ST3GAL3: variants seen among roughly 807,000 people sequenced by gnomAD.
ST3GAL3 encodes ST3 beta-galactoside alpha-2,3-sialyltransferase 3.
ST3GAL3 carries 21 observed loss-of-function variants against 50.1 expected under a neutral mutation model. That is an observed-to-expected ratio of 0.42 (90% confidence interval 0.30 to 0.60). ST3GAL3 has a LOEUF of 0.60. Ranked by LOEUF, ST3GAL3 falls within the 20% of genes least tolerant of loss-of-function variation. The pLI, the probability that ST3GAL3 is intolerant of heterozygous loss-of-function variation, is 0.19. For synonymous variants in ST3GAL3, 183 were observed against 190.0 expected, an observed-to-expected ratio of 0.96 and a Z score of 0.30; for missense variants, 353 against 489.4, an observed-to-expected ratio of 0.72 and a Z score of 2.63.
intron 5 of ST3GAL3, among the ~76,000 whole-genome samples, chr1:43,872,968 G>A (rs1300404810): frequency 6.6e-6 from 1 of 152,154 alleles, no homozygotes; most frequent in Non-Finnish European, 1.5e-5. Flanking sequence ...CTCTGAGGTG[G>A]GATCCAAATG....
intron 4 of ST3GAL3, chr1:43,824,778 T>C (rs1363885565): frequency 2.4e-5 from 38 of 1,582,720 alleles, no homozygotes; most frequent in Non-Finnish European, 3.0e-5. Flanking sequence ...GACTGCATAT[T>C]GGAATCACCT....
intron 2 of ST3GAL3, among the ~76,000 whole-genome samples, chr1:43,776,668 T>G (rs1034260825): frequency 3.9e-5 from 6 of 152,198 alleles, no homozygotes; most frequent in Non-Finnish European, 5.9e-5. Flanking sequence ...CCAAAGCTGC[T>G]ACATCATTTT....
At chr1:43,726,217 A>G (rs1672851461) in intron 1 of ST3GAL3, among the ~76,000 whole-genome samples, 1 of 152,188 alleles carries the variant, frequency 6.6e-6, no homozygotes, top group African/African-American at 2.4e-5. Flanking sequence ...TCTCAACTTC[A>G]AAGTTACTCT....
intron 5 of ST3GAL3, among the ~76,000 whole-genome samples, chr1:43,870,125 T>C (rs2072308180): frequency 6.6e-6 from 1 of 152,238 alleles, no homozygotes; most frequent in South Asian, 2.1e-4. Flanking sequence ...CTTCTCTCTT[T>C]GGACAAGTCA....
intron 3 of ST3GAL3, among the ~76,000 whole-genome samples, chr1:43,805,429 G>A (rs2059760057): frequency 6.6e-6 from 1 of 152,252 alleles, no homozygotes; most frequent in South Asian, 2.1e-4. Context: ...TAAAAGGACA[G>A]AAACAACAGA....
intron 9 of ST3GAL3, chr1:43,916,978 G>GT (rs1456036096): frequency 2.0e-5 from 3 of 151,970 alleles, no homozygotes; most frequent in Non-Finnish European, 2.9e-5. Flanking sequence ...ATTTTTTTCT[G>GT]TTTTTTCACT....
intron 5 of ST3GAL3, among the ~76,000 whole-genome samples, chr1:43,852,270 G>A (rs1371120417): frequency 6.6e-6 from 1 of 152,218 alleles, no homozygotes; most frequent in African/African-American, 2.4e-5. Context: ...GGGGATGGCA[G>A]TAGGTCCAAA....
chr1:43,898,013 C>G (rs1192796259), intron 6 of ST3GAL3, among the ~76,000 whole-genome samples: 1 of 152,164 alleles, frequency 6.6e-6, no homozygotes, highest in African/African-American at 2.4e-5. Flanking sequence ...GTGTTAGGGA[C>G]GGGCTCCCGG....
chr1:43,799,149 A>G (rs890580663), intron 3 of ST3GAL3, among the ~76,000 whole-genome samples: 1 of 152,236 alleles, frequency 6.6e-6, no homozygotes, highest in Non-Finnish European at 1.5e-5. Flanking sequence ...GATTTCTGGG[A>G]AAATAGTCAC....
chr1:43,749,582 CAAAA>C (rs886091249), intron 2 of ST3GAL3, among the ~76,000 whole-genome samples: 1 of 151,910 alleles, frequency 6.6e-6, no homozygotes, highest in Non-Finnish European at 1.5e-5. Flanking sequence ...AACAAACAAA[CAAAA>C]AAATGAACAA....
intron 1 of ST3GAL3, among the ~76,000 whole-genome samples, chr1:43,711,539 C>T (rs567701163): frequency 1.2e-4 from 18 of 152,326 alleles, no homozygotes; most frequent in Non-Finnish European, 1.9e-4. Context: ...TATCACAGCC[C>T]ATTGAAGATT....
At chr1:43,881,482 G>T (rs1282434207) in intron 5 of ST3GAL3, among the ~76,000 whole-genome samples, 1 of 152,254 alleles carries the variant, frequency 6.6e-6, no homozygotes, top group Non-Finnish European at 1.5e-5. Flanking sequence ...TCTTCCTGAG[G>T]CAGGGGCGCC....
chr1:43,785,724 G>A (rs1017001427), intron 2 of ST3GAL3, among the ~76,000 whole-genome samples: 3 of 152,092 alleles, frequency 2.0e-5, no homozygotes, highest in Admixed American at 1.3e-4. Flanking sequence ...GTCTGCTTGT[G>A]TCTCCTACCA....
intron 11 of ST3GAL3, chr1:43,921,840 T>G (rs2083078760): frequency 2.5e-6 from 1 of 398,376 alleles, no homozygotes; most frequent in Admixed American, 4.4e-5. Flanking sequence ...CTTCACCCCT[T>G]GCAGCCTGGC....
chr1:43,798,841 G>A (rs577222539), intron 3 of ST3GAL3, among the ~76,000 whole-genome samples: 6 of 152,310 alleles, frequency 3.9e-5, no homozygotes, highest in East Asian at 1.9e-4. Flanking sequence ...TTTAGAATGC[G>A]TCTGGCACAT....
chr1:43,715,233 C>T (rs558038440), intron 1 of ST3GAL3, among the ~76,000 whole-genome samples: 5 of 151,228 alleles, frequency 3.3e-5, no homozygotes, highest in South Asian at 2.1e-4. Context: ...TATTGTCTGT[C>T]GATATTTAAT....
intron 5 of ST3GAL3, among the ~76,000 whole-genome samples, chr1:43,862,175 C>T (rs1478897883): frequency 6.6e-6 from 1 of 152,222 alleles, no homozygotes; most frequent in African/African-American, 2.4e-5. Flanking sequence ...ACAAGGCAGG[C>T]ACTCAGCTTG....
At chr1:43,811,676 C>T (rs2060577086) in intron 3 of ST3GAL3, among the ~76,000 whole-genome samples, 1 of 152,178 alleles carries the variant, frequency 6.6e-6, no homozygotes, top group Non-Finnish European at 1.5e-5. Flanking sequence ...TCTCCTGCAG[C>T]CAGCCCGCCC....
At chr1:43,785,459 T>C (rs1338660314) in intron 2 of ST3GAL3, among the ~76,000 whole-genome samples, 1 of 152,124 alleles carries the variant, frequency 6.6e-6, no homozygotes, top group Non-Finnish European at 1.5e-5. Context: ...GCAAGAGACA[T>C]GAAGAGTATT....
Sources: allele counts gnomAD v4.1 joint callset (sites outside exome capture counted in the v4.1 genomes callset), GRCh38; gene constraint gnomAD v4.1.1; transcripts MANE v1.5; gene names NCBI Gene and HGNC (gene_info 2026-07-23, HGNC 2026-07-21).